Variants in RRAS2 observed in about 807,000 individuals in gnomAD.
RRAS2 encodes the protein ras-related protein R-Ras2.
RRAS2 carries 7 observed loss-of-function variants against 27.6 expected under a neutral mutation model. The observed-to-expected ratio is 0.25, with a 90% confidence interval of 0.14 to 0.48. RRAS2 has a LOEUF of 0.48. Among genes scored for constraint, RRAS2 ranks in the 20% least tolerant of loss-of-function variants. The pLI is 0.99. For synonymous variants in RRAS2, 86 were observed against 90.9 expected (o/e 0.95, Z 0.31); for missense variants, 178 against 256.2 (o/e 0.69, Z 2.08).
chr11:14,359,048 T>G lies in RRAS2; in HGVS notation c.-178A>C. On this transcript the variant is annotated 5_prime_UTR_variant, in exon 1 of 6. Transcript: ENST00000256196. The stretch of plus-strand genomic sequence containing the variant: ...CGGTAGCGCGGCGCTGGGGACTGGC[T>G]GGGTACCGCCCGAGGCGCGGAGAAG... The G allele has an allele frequency of 2.7e-6, 3 of 1,109,720 alleles. No individual in the cohort carries two copies. Among genetic ancestry groups the G allele is most frequent in the Non-Finnish European group, 3.3e-6 (3 of 910,774 alleles). 68.7% of individuals were successfully genotyped at this position (1,109,720 alleles called of 1,614,324 possible). A position where few individuals can be genotyped will look rare whatever the true frequency, so the allele number is the denominator to read the frequency against.
At position 14,358,625 on chromosome 11, in the gene RRAS2, G is replaced by A; in HGVS notation, c.108+138C>T. On this transcript the variant is annotated intron_variant, in intron 1 of 5. Transcript: ENST00000256196. The surrounding 1 kb of genome is among the most constrained non-coding windows in gnomAD (Gnocchi z 5.1). ...GCAGGGCAGGAGCGTAGTCGGCCCC[G>A]CGCCCTCCCGCCCCCTGGCCCCGGC... The A allele has an allele frequency of 4.1e-6, 4 of 974,158 alleles. No homozygotes were observed. The highest frequency in any genetic ancestry group is 4.9e-6 in the Non-Finnish European group (4 of 819,792). The allele number at this position is 974,158 out of a possible 1,614,324, so 60.3% of individuals were successfully genotyped here.
intron 1 of RRAS2, among the ~76,000 whole-genome samples, chr11:14,319,345 C>CTTTTTTTTTTTTTTT (rs1156654694): frequency 2.2e-5 from 2 of 91,516 alleles, no homozygotes; most frequent in Admixed American, 1.6e-4. Context: ...TTCCCTCTGT[C>CTTTTTTTTTTTTTTT]TTTTTTTTTT....
At position 14,279,328 on chromosome 11, in the gene RRAS2, G is replaced by C. The variant is rs201816880; in HGVS notation, c.*9C>G. 65 of 1,589,698 alleles carry C rather than the reference G, an allele frequency of 4.1e-5. No homozygotes were observed. In the Admixed American group the frequency reaches 1.1e-3, roughly 26 times the overall value. Reference sequence around the variant, plus strand: ...TTCCTGGCCGTTGGTAGCTAAAACTGAAGGGATTCTAGAAAATGACACAAT... The same window carrying C: ...TTCCTGGCCGTTGGTAGCTAAAACTCAAGGGATTCTAGAAAATGACACAAT... On this transcript the variant is annotated 3_prime_UTR_variant, in exon 6 of 6. Transcript: ENST00000256196.
chr11:14,285,351 C>A (rs1591442172), intron 4 of RRAS2, among the ~76,000 whole-genome samples: 1 of 152,090 alleles, frequency 6.6e-6, no homozygotes, highest in Non-Finnish European at 1.5e-5. Context: ...GAGTTCAAGG[C>A]CAGTCTGGGT....
intron 4 of RRAS2, among the ~76,000 whole-genome samples, chr11:14,283,230 T>C (rs1554944578): frequency 6.6e-6 from 1 of 152,348 alleles, no homozygotes; most frequent in African/African-American, 2.4e-5. Context: ...TGACTCACTG[T>C]CAAATATCAA....
chr11:14,312,160 C>G (rs1383551776), intron 1 of RRAS2, among the ~76,000 whole-genome samples: 2 of 152,084 alleles, frequency 1.3e-5, no homozygotes, highest in South Asian at 4.1e-4. Context: ...CCACTGTGCC[C>G]GGCCTGAAAA....
chr11:14,337,721 G>A (rs1554952715), intron 1 of RRAS2, among the ~76,000 whole-genome samples: 1 of 152,048 alleles, frequency 6.6e-6, no homozygotes, highest in Non-Finnish European at 1.5e-5. Context: ...ACAGTTTCAG[G>A]CATCTGCGGG....
At chr11:14,290,010 A>G (rs1216070446) in intron 4 of RRAS2, among the ~76,000 whole-genome samples, 2 of 152,256 alleles carry the variant, frequency 1.3e-5, no homozygotes, top group Non-Finnish European at 2.9e-5. Flanking sequence ...CTCAGAACCT[A>G]CAGATGACAA....
intron 4 of RRAS2, among the ~76,000 whole-genome samples, chr11:14,286,852 C>T (rs1194913228): frequency 1.3e-5 from 2 of 152,210 alleles, no homozygotes; most frequent in Non-Finnish European, 2.9e-5. Context: ...GTTACCCGAA[C>T]AATTAACGAT....
chr11:14,349,639 A>T (rs1284205021), intron 1 of RRAS2, among the ~76,000 whole-genome samples: 2 of 152,134 alleles, frequency 1.3e-5, no homozygotes, highest in Non-Finnish European at 2.9e-5. Context: ...AGTATAGACA[A>T]TTGCTTCAAA....
intron 1 of RRAS2, among the ~76,000 whole-genome samples, chr11:14,307,563 G>T (rs913583952): frequency 6.6e-6 from 1 of 151,900 alleles, no homozygotes; most frequent in Non-Finnish European, 1.5e-5. Context: ...GACCATTGAG[G>T]CTCAGCAGTT....
At position 14,356,473 on chromosome 11, in the gene RRAS2, G is replaced by A. The variant is rs370970036; in HGVS notation, c.108+2290C>T. ...ATTACTGAGCACATACAACATGCTGGATACAATGCTACCATCTTTGTCATA... is the reference window on the plus strand; with the variant it reads ...ATTACTGAGCACATACAACATGCTGAATACAATGCTACCATCTTTGTCATA... On this transcript the variant is annotated intron_variant, in intron 1 of 5. Transcript: ENST00000256196. Among the ~76,000 whole-genome samples the A allele has an allele frequency of 2.6e-5, 4 of 152,130 alleles. No individual in the cohort carries two copies. The South Asian group carries it at 8.3e-4, about 32-fold the overall frequency.
chr11:14,299,690 C>G (rs1001406726), intron 1 of RRAS2, among the ~76,000 whole-genome samples: 1 of 152,130 alleles, frequency 6.6e-6, no homozygotes, highest in Non-Finnish European at 1.5e-5. Flanking sequence ...CTACTAAGTA[C>G]TCCATAAAGA....
At position 14,306,598 on chromosome 11, in the gene RRAS2, C is replaced by T. The variant is rs566111149; in HGVS notation, c.109-10743G>A. On this transcript the variant is annotated intron_variant, in intron 1 of 5. Transcript: ENST00000256196. ...CCAACAACTCTCCACAATTCCAATT[C>T]CACATACCCAGGATTTTGGGCAATA... Among the ~76,000 whole-genome samples, 3 of 152,294 alleles carry T rather than the reference C, an allele frequency of 2.0e-5. No homozygotes were observed. The East Asian group carries it at 5.8e-4, about 29-fold the overall frequency.
chr11:14,283,061 T>C (rs1242964551), intron 4 of RRAS2, among the ~76,000 whole-genome samples: 1 of 152,190 alleles, frequency 6.6e-6, no homozygotes, highest in African/African-American at 2.4e-5. Context: ...AATTTTTTTG[T>C]AGATGTCCTT....
upstream of RRAS2, among the ~76,000 whole-genome samples, chr11:14,364,070 A>AAAAAT (rs571462902): frequency 2.0e-5 from 3 of 152,304 alleles, no homozygotes; most frequent in South Asian, 6.2e-4. Context: ...AACTCTGTCT[A>AAAAAT]AAAATAAAAT....
chr11:14,312,362 G>A (rs1488173073), intron 1 of RRAS2, among the ~76,000 whole-genome samples: 1 of 152,188 alleles, frequency 6.6e-6, no homozygotes, highest in Non-Finnish European at 1.5e-5. Flanking sequence ...ATACCTACAA[G>A]CTAGGATATG....
chr11:14,346,990 AAAAAAT>A (rs1414618277), intron 1 of RRAS2, among the ~76,000 whole-genome samples: 1 of 152,128 alleles, frequency 6.6e-6, no homozygotes. Flanking sequence ...CCCCATCTCT[AAAAAAT>A]AAAAATAAAA....
rs1375554423 is a variant in RRAS2, at chr11:14,359,160, C to T, written c.-290G>A. ...CGCAGCGCCTGCCGAACGCAGCCTC[C>T]AGCGCCGCCACAAATGGCCGTCTGG... On this transcript the variant is annotated 5_prime_UTR_variant, in exon 1 of 6. Coordinates refer to ENST00000256196, the MANE Select transcript of RRAS2 (RefSeq NM_012250.6). 4.1e-5 allele frequency: 42 copies of T among 1,017,720 alleles called. No individual in the cohort carries two copies. The highest frequency in any genetic ancestry group is 4.5e-5 in the Non-Finnish European group (38 of 851,722). 63.0% of individuals were successfully genotyped at this position (1,017,720 alleles called of 1,614,324 possible).
Sources: allele counts gnomAD v4.1 joint callset (sites outside exome capture counted in the v4.1 genomes callset), GRCh38; gene constraint gnomAD v4.1.1; non-coding constraint Gnocchi (gnomAD v3.1); transcripts MANE v1.5; gene names NCBI Gene and HGNC (gene_info 2026-07-23, HGNC 2026-07-21).